The following IQCJ variants were observed in gnomAD, a reference collection of about 807,000 sequenced individuals.
IQCJ encodes IQ motif containing J.
IQCJ carries 9 observed loss-of-function variants against 11.0 expected under a neutral mutation model. The observed-to-expected ratio is 0.82, with a 90% confidence interval of 0.49 to 1.43. The LOEUF is 1.43. Ranked by LOEUF, IQCJ falls within the 40% of genes most tolerant of loss-of-function variation. IQCJ has a pLI of 0.00. For missense variants in IQCJ, 146 were observed against 133.2 expected, an observed-to-expected ratio of 1.10 and a Z score of -0.47; for synonymous variants, 55 against 51.3, an observed-to-expected ratio of 1.07 and a Z score of -0.31.
intron 1 of IQCJ, among the ~76,000 whole-genome samples, chr3:159,076,032 C>G (rs751051113): frequency 1.9e-4 from 29 of 152,096 alleles, no homozygotes; most frequent in Non-Finnish European, 3.5e-4. Context: ...GGCTCTCAAA[C>G]TTTCCTGTAT....
intron 1 of IQCJ, among the ~76,000 whole-genome samples, chr3:159,114,366 A>G (rs1341777207): frequency 1.3e-5 from 2 of 148,586 alleles, no homozygotes; most frequent in Non-Finnish European, 3.0e-5. Flanking sequence ...GCTGGAGTGC[A>G]GTGGCATGAT....
intron 1 of IQCJ, among the ~76,000 whole-genome samples, chr3:159,090,137 C>T (rs1270955619): frequency 6.6e-6 from 1 of 151,716 alleles, no homozygotes; most frequent in Non-Finnish European, 1.5e-5. Context: ...TTCCTTCTAA[C>T]AGACAGGACC....
intron 2 of IQCJ, among the ~76,000 whole-genome samples, chr3:159,248,911 C>T (rs1391715929): frequency 6.6e-6 from 1 of 151,416 alleles, no homozygotes; most frequent in Non-Finnish European, 1.5e-5. Flanking sequence ...GGCTGGAATG[C>T]AGTGGTGTGA....
chr3:159,106,093 G>A (rs182622827), intron 1 of IQCJ, among the ~76,000 whole-genome samples: 5 of 152,126 alleles, frequency 3.3e-5, no homozygotes, highest in Admixed American at 1.3e-4. Flanking sequence ...TGGAATGTGT[G>A]TATGTAGGAG....
chr3:159,138,577 A>C (rs2108175253), intron 1 of IQCJ, among the ~76,000 whole-genome samples: 1 of 152,322 alleles, frequency 6.6e-6, no homozygotes, highest in East Asian at 1.9e-4. Context: ...TATTACGCTA[A>C]ACAGTGAATC....
intron 3 of IQCJ, among the ~76,000 whole-genome samples, chr3:159,258,615 G>A (rs139151375): frequency 6.6e-6 from 1 of 152,316 alleles, no homozygotes; most frequent in African/African-American, 2.4e-5. Context: ...CAGATTCAAT[G>A]TATCCTCTCT....
chr3:159,091,722 T>G (rs1449191086), intron 1 of IQCJ, among the ~76,000 whole-genome samples: 2 of 147,884 alleles, frequency 1.4e-5, no homozygotes, highest in African/African-American at 2.5e-5. Context: ...ACACGGCAGC[T>G]TGAAGGACTT....
intron 3 of IQCJ, among the ~76,000 whole-genome samples, chr3:159,253,686 T>C (rs1461601506): frequency 6.6e-6 from 1 of 151,572 alleles, no homozygotes; most frequent in Admixed American, 6.6e-5. Context: ...TAAACGAGAA[T>C]GTTAACATAT....
At chr3:159,153,914 G>A (rs1721367389) in intron 1 of IQCJ, among the ~76,000 whole-genome samples, 1 of 152,142 alleles carries the variant, frequency 6.6e-6, no homozygotes, top group Admixed American at 6.5e-5. Context: ...CAGAAGACTG[G>A]TTCCATGGTA....
chr3:159,088,292 T>A (rs1255916678), intron 1 of IQCJ, among the ~76,000 whole-genome samples: 1 of 152,164 alleles, frequency 6.6e-6, no homozygotes, highest in Non-Finnish European at 1.5e-5. Flanking sequence ...GACAGTTTGT[T>A]ATAATTTCTG....
chr3:159,196,627 G>A (rs1383647477), intron 1 of IQCJ, among the ~76,000 whole-genome samples: 1 of 152,170 alleles, frequency 6.6e-6, no homozygotes, highest in Admixed American at 6.5e-5. Context: ...CCTCTCCACA[G>A]GGTCTTCCTA....
intron 1 of IQCJ, among the ~76,000 whole-genome samples, chr3:159,173,436 A>G (rs1722608327): frequency 1.3e-5 from 2 of 152,208 alleles, no homozygotes; most frequent in Admixed American, 1.3e-4. Flanking sequence ...TTATAAACAA[A>G]CTTTACCAAT....
intron 1 of IQCJ, among the ~76,000 whole-genome samples, chr3:159,238,429 G>A (rs1726719603): frequency 6.6e-6 from 1 of 152,140 alleles, no homozygotes; most frequent in Non-Finnish European, 1.5e-5. Flanking sequence ...AAAACTACTT[G>A]GGATTTTTTG....
At chr3:159,077,821 T>A (rs1044034373) in intron 1 of IQCJ, among the ~76,000 whole-genome samples, 21 of 152,248 alleles carry the variant, frequency 1.4e-4, no homozygotes, top group African/African-American at 4.3e-4. Flanking sequence ...AAGTTATTTT[T>A]AAAAATAGTC....
At chr3:159,260,977 C>T (rs1425803553) in intron 3 of IQCJ, among the ~76,000 whole-genome samples, 1 of 152,150 alleles carries the variant, frequency 6.6e-6, no homozygotes, top group Non-Finnish European at 1.5e-5. Context: ...ATTGTTTTCA[C>T]TACAGTTGAT....
At chr3:159,193,819 C>T (rs907795646) in intron 1 of IQCJ, among the ~76,000 whole-genome samples, 8 of 152,138 alleles carry the variant, frequency 5.3e-5, no homozygotes, top group Admixed American at 5.2e-4. Context: ...GCAGTGAAAT[C>T]TAGATAAGAC....
intron 1 of IQCJ, among the ~76,000 whole-genome samples, chr3:159,219,583 A>G (rs1725423356): frequency 6.6e-6 from 1 of 152,190 alleles, no homozygotes; most frequent in African/African-American, 2.4e-5. Context: ...AGCTTCAAAA[A>G]GGTTACTTGA....
At chr3:159,214,388 C>A (rs994395992) in intron 1 of IQCJ, among the ~76,000 whole-genome samples, 1 of 152,166 alleles carries the variant, frequency 6.6e-6, no homozygotes, top group Non-Finnish European at 1.5e-5. Context: ...CTGTCGTTGC[C>A]TTAGTTCCTT....
chr3:159,209,090 C>T (rs1724809818), intron 1 of IQCJ, among the ~76,000 whole-genome samples: 1 of 152,170 alleles, frequency 6.6e-6, no homozygotes, highest in African/African-American at 2.4e-5. Flanking sequence ...CAAATGTTGC[C>T]TTTCCCAAGA....
Sources: gnomAD v4.1 joint callset for allele counts (sites outside exome capture counted in the v4.1 genomes callset) on GRCh38, gnomAD v4.1.1 for gene constraint, MANE v1.5 for transcripts, NCBI Gene and HGNC (gene_info 2026-07-23, HGNC 2026-07-21) for gene names.